The following PCDHA1 variants were observed in gnomAD, a reference collection of about 807,000 sequenced individuals.
The protein encoded by PCDHA1 is protocadherin alpha-1.
Under a neutral mutation model 61.3 loss-of-function variants are expected in PCDHA1, and 42 were observed. The ratio of observed to expected loss-of-function variants is 0.69; its 90% CI spans 0.54 to 0.89. The LOEUF (loss-of-function observed/expected upper bound fraction) is 0.89. Among genes scored for constraint, PCDHA1 ranks in the 40% least tolerant of loss-of-function variants. The pLI is 0.00. For synonymous variants in PCDHA1, 610 were observed against 553.8 expected (o/e 1.10, Z -1.43); for missense variants, 1,256 against 1,235.3 (o/e 1.02, Z -0.25).
intron 1 of PCDHA1, chr5:140,856,165 A>T: frequency 6.3e-7 from 1 of 1,598,366 alleles, no homozygotes; most frequent in South Asian, 1.1e-5. Flanking sequence ...AGGAGGCCAG[A>T]CACGGCACCT....
At chr5:140,987,941 G>A (rs1554249697) in intron 3 of PCDHA1, among the ~76,000 whole-genome samples, 1 of 152,104 alleles carries the variant, frequency 6.6e-6, no homozygotes, top group African/African-American at 2.4e-5. Flanking sequence ...ATTCTTACCT[G>A]TCTGACAAAA....
chr5:140,997,668 TTG>T (rs35184029), intron 3 of PCDHA1, among the ~76,000 whole-genome samples: 38,693 of 147,760 alleles, frequency 0.26, 5,114 homozygotes, highest in Middle Eastern at 0.39. Flanking sequence ...ATTATACAGC[TTG>T]TGTGTGTGTG....
At chr5:140,925,479 A>G (rs2082513030) in intron 1 of PCDHA1, among the ~76,000 whole-genome samples, 1 of 152,116 alleles carries the variant, frequency 6.6e-6, no homozygotes. Context: ...TGTTTCTCAT[A>G]GAACTGATCA....
intron 1 of PCDHA1, chr5:140,841,933 C>G (rs2150325780): frequency 1.2e-6 from 2 of 1,613,858 alleles, no homozygotes; most frequent in Non-Finnish European, 1.7e-6. Flanking sequence ...ACAGAGAGGA[C>G]GCTCCTGCGC....
chr5:140,808,176 T>C (rs782558494), intron 1 of PCDHA1: 3 of 1,614,256 alleles, frequency 1.9e-6, no homozygotes, highest in Non-Finnish European at 2.5e-6. Flanking sequence ...CAGCTCCCAC[T>C]TTCTGGCCAT....
intron 1 of PCDHA1, chr5:140,810,991 A>C (rs1764773590): frequency 1.3e-5 from 2 of 152,028 alleles, no homozygotes; most frequent in African/African-American, 4.8e-5. Flanking sequence ...AGGGGTCAAG[A>C]TTTATTTTTA....
chr5:140,817,526 C>A (rs1004627140), intron 1 of PCDHA1: 2 of 152,276 alleles, frequency 1.3e-5, no homozygotes, highest in East Asian at 3.9e-4. Context: ...TTGATTTCCT[C>A]TTTTGTTGAT....
intron 1 of PCDHA1, chr5:140,824,623 T>TGTTTG (rs1562279853): frequency 7.6e-6 from 1 of 132,188 alleles, no homozygotes; most frequent in African/African-American, 3.3e-5. Flanking sequence ...TTTTTTTTTT[T>TGTTTG]TTTTTTTTTA....
chr5:140,857,262 C>A (rs969366268), intron 1 of PCDHA1: 1 of 1,598,710 alleles, frequency 6.3e-7, no homozygotes, highest in Non-Finnish European at 8.6e-7. Context: ...AATTACTACT[C>A]ATTGGTGCTG....
chr5:140,967,747 A>C, intron 1 of PCDHA1: 1 of 1,614,160 alleles, frequency 6.2e-7, no homozygotes, highest in Non-Finnish European at 8.5e-7. Context: ...ATTATGAGGA[A>C]GCCTCCTCCT....
chr5:140,841,315 A>G, intron 1 of PCDHA1: 2 of 1,599,632 alleles, frequency 1.3e-6, no homozygotes, highest in South Asian at 1.1e-5. Flanking sequence ...GGAAACGACT[A>G]TTTAACATGG....
intron 3 of PCDHA1, among the ~76,000 whole-genome samples, chr5:140,986,013 A>C (rs544858025): frequency 6.6e-6 from 1 of 152,298 alleles, no homozygotes; most frequent in Admixed American, 6.5e-5. Flanking sequence ...TGCTGGGATT[A>C]CAGGCGTGAG....
intron 1 of PCDHA1, chr5:140,842,971 G>T: frequency 6.3e-7 from 1 of 1,594,964 alleles, no homozygotes; most frequent in Non-Finnish European, 8.6e-7. Context: ...GCAACGTGAC[G>T]CTGCAGGTGT....
At chr5:140,918,097 A>C (rs193088313) in intron 1 of PCDHA1, among the ~76,000 whole-genome samples, 2 of 152,192 alleles carry the variant, frequency 1.3e-5, no homozygotes, top group Non-Finnish European at 2.9e-5. Flanking sequence ...CTTTTTATAG[A>C]GATCTTTCAC....
At chr5:141,002,014 C>T (rs1025365420) in intron 3 of PCDHA1, among the ~76,000 whole-genome samples, 1 of 152,220 alleles carries the variant, frequency 6.6e-6, no homozygotes, top group Non-Finnish European at 1.5e-5. Context: ...AGAATCTGCA[C>T]AGCCTTCGGT....
intron 1 of PCDHA1, chr5:140,869,565 A>G: frequency 6.2e-7 from 1 of 1,614,190 alleles, no homozygotes; most frequent in Non-Finnish European, 8.5e-7. Flanking sequence ...GTTTTCCACT[A>G]GAGGGAGCTT....
rs1580988971 is a variant in PCDHA1, at chr5:140,842,089, C to T, written c.2394+53405C>T. ...AAGTAAGAATATTCGAAAACGCAGA[C>T]AACGGAACAACAGTTATCAAACTGA... is the stretch of plus-strand genomic sequence containing the variant. On this transcript the variant is annotated intron_variant, in intron 1 of 3. Transcript: ENST00000504120. The T allele has an allele frequency of 1.9e-6, 3 of 1,613,894 alleles. No homozygotes were observed. The East Asian group carries it at 6.7e-5, about 36-fold the overall frequency.
intron 1 of PCDHA1, chr5:140,805,410 G>A: frequency 9.3e-7 from 1 of 1,073,830 alleles, no homozygotes; most frequent in East Asian, 7.2e-5. Flanking sequence ...CAGAAATTTG[G>A]TGGGTTTTTT....
At position 140,835,969 on chromosome 5, in the gene PCDHA1, A is replaced by G; in HGVS notation, c.2394+47285A>G. 6.2e-7 allele frequency: 1 copy of G among 1,613,162 alleles called. No homozygotes were observed. The highest frequency in any genetic ancestry group is 1.7e-5 in the Admixed American group (1 of 60,006). On this transcript the variant is annotated intron_variant, in intron 1 of 3. Transcript: ENST00000504120. ...CAGCCGTTGGACCACGAGGAGCTGG[A>G]GCTGTTGCAGTTCCAGGTGAGCGCG... is the stretch of plus-strand genomic sequence containing the variant.
Sources: allele counts gnomAD v4.1 joint callset (sites outside exome capture counted in the v4.1 genomes callset), GRCh38; gene constraint gnomAD v4.1.1; transcripts MANE v1.5; gene names NCBI Gene and HGNC (gene_info 2026-07-23, HGNC 2026-07-21).